ULK4: variants seen among roughly 807,000 people sequenced by gnomAD.
ULK4 encodes the protein unc-51 like kinase 4.
ULK4 carries 133 observed loss-of-function variants against 160.6 expected under a neutral mutation model. The observed-to-expected ratio is 0.83, with a 90% CI of 0.72 to 0.96. ULK4 has a LOEUF of 0.96. Among genes scored for constraint, ULK4 ranks in the 40% least tolerant of loss-of-function variants. The pLI is 0.00. For missense variants in ULK4, 1,580 were observed against 1,499.5 expected, an observed-to-expected ratio of 1.05 and a Z score of -0.89; for synonymous variants, 534 against 539.8, an observed-to-expected ratio of 0.99 and a Z score of 0.15.
chr3:41,772,636 G>C (rs2039435961), intron 21 of ULK4, among the ~76,000 whole-genome samples: 1 of 152,124 alleles, frequency 6.6e-6, no homozygotes, highest in African/African-American at 2.4e-5. Flanking sequence ...AATTCTACCA[G>C]AGGTACAAGG....
chr3:41,608,857 T>C (rs1243538234), intron 31 of ULK4, among the ~76,000 whole-genome samples: 1 of 152,214 alleles, frequency 6.6e-6, no homozygotes, highest in African/African-American at 2.4e-5. Flanking sequence ...CTGAATCAAT[T>C]AGAAGTAAAA....
At position 41,410,490 on chromosome 3, in the gene ULK4, T is replaced by C. The variant is rs148895261; in HGVS notation, c.3493-12226A>G. Among the ~76,000 whole-genome samples, 242 of 152,126 alleles carry C rather than the reference T, an allele frequency of 1.6e-3. 2 individuals are homozygous for C. The highest frequency in any genetic ancestry group is 7.0e-3 in the Admixed American group (107 of 15,278). ...CAGTTTATAGAAATAGAAAGTAAAT[T>C]AGTGATTGACTAGAGTTGTAGAGGG... On this transcript the variant is annotated intron_variant, in intron 34 of 36. Transcript: ENST00000301831.
chr3:41,500,266 A>C (rs2085150072), intron 32 of ULK4, among the ~76,000 whole-genome samples: 1 of 143,184 alleles, frequency 7.0e-6, no homozygotes, highest in Non-Finnish European at 1.5e-5. Flanking sequence ...CTAGCTCATT[A>C]ATTTTCATCT....
chr3:41,540,548 T>C (rs1051759959), intron 32 of ULK4, among the ~76,000 whole-genome samples: 1 of 152,220 alleles, frequency 6.6e-6, no homozygotes. Flanking sequence ...TTTGGGTATA[T>C]ACCCAGTAAT....
Position 41,938,177 on chromosome 3 carries a change from T to C in ULK4, c.159A>G (p.Ile53Met), listed in dbSNP as rs1430346689. The C allele has an allele frequency of 4.3e-6, 7 of 1,613,324 alleles. No homozygotes were observed. Among genetic ancestry groups the C allele is most frequent in the Admixed American group, 1.7e-5 (1 of 59,986 alleles). ...ITNWVRLTRE[I>M]KHKNIVTFHE... ...GAAAAGTTACAATATTCTTGTGTTTTATTTCACGGGTGAGACGGACCTATA... is the reference window on the plus strand; with the variant it reads ...GAAAAGTTACAATATTCTTGTGTTTCATTTCACGGGTGAGACGGACCTATA... The change falls in exon 3 of 37, where the codon ATA (isoleucine) becomes ATG (methionine). Residue 53 changes from isoleucine (I) to methionine (M), a missense_variant. Ile to Met is a conservative substitution (Grantham distance 10, BLOSUM62 1). Transcript: ENST00000301831.
At chr3:41,673,949 A>C (rs2035620169) in intron 29 of ULK4, among the ~76,000 whole-genome samples, 1 of 152,104 alleles carries the variant, frequency 6.6e-6, no homozygotes, top group Non-Finnish European at 1.5e-5. Flanking sequence ...GAGGGGCGGG[A>C]ATTTAATTGT....
chr3:41,771,219 T>A (rs2039354934), intron 21 of ULK4, among the ~76,000 whole-genome samples: 1 of 152,310 alleles, frequency 6.6e-6, no homozygotes, highest in East Asian at 1.9e-4. Flanking sequence ...AATATTTCCA[T>A]TAAAATATGT....
At chr3:41,587,013 G>A (rs113417719) in intron 31 of ULK4, among the ~76,000 whole-genome samples, 2,026 of 152,206 alleles carry the variant, frequency 0.013, 54 homozygotes, top group African/African-American at 0.046. Context: ...GGTTCTCTAC[G>A]TAGGGTCTCA....
chr3:41,691,254 C>A (rs1413942660), intron 27 of ULK4, among the ~76,000 whole-genome samples: 1 of 151,824 alleles, frequency 6.6e-6, no homozygotes, highest in Admixed American at 6.6e-5. Context: ...GAGGCCCCTG[C>A]ACATACGAAC....
intron 17 of ULK4, among the ~76,000 whole-genome samples, chr3:41,848,202 G>A (rs910821548): frequency 1.1e-4 from 16 of 152,192 alleles, no homozygotes; most frequent in African/African-American, 3.4e-4. Flanking sequence ...ACCTGTAACT[G>A]GTAGATTCCT....
Position 41,931,921 on chromosome 3 carries a change from G to A in ULK4, c.464C>T (p.Ala155Val), listed in dbSNP as rs1289040505. 3.1e-6 allele frequency: 5 copies of A among 1,613,896 alleles called. No homozygotes were observed. Among genetic ancestry groups the A allele is most frequent in the African/African-American group, 1.3e-5 (1 of 74,868 alleles). Residue 155 changes from alanine to valine, a missense_variant, in exon 5 of 37, where the codon GCT (alanine) becomes GTT (valine). Physicochemically the swap from Ala to Val is moderately conservative, Grantham distance 64. Coordinates refer to ENST00000301831, the MANE Select transcript of ULK4 (RefSeq NM_017886.4). ...VEGENLEEFF[A>V]LVAAEEGGGD... ...TCCTCCTTCCTCTGCTGCCACCAAA[G>A]CAAAGAACTCTTCCAAATTTTCACC...
chr3:41,353,528 T>C (rs2080955559), intron 35 of ULK4, among the ~76,000 whole-genome samples: 1 of 151,834 alleles, frequency 6.6e-6, no homozygotes, highest in African/African-American at 2.4e-5. Flanking sequence ...ATTAGCTGAG[T>C]GTGGTAGCTC....
At chr3:41,339,978 A>C (rs1259345520) in intron 35 of ULK4, among the ~76,000 whole-genome samples, 1 of 152,234 alleles carries the variant, frequency 6.6e-6, no homozygotes, top group Non-Finnish European at 1.5e-5. Context: ...GAAAATCAGC[A>C]TAATATTAAC....
At chr3:41,462,844 C>A (rs1051258900) in intron 33 of ULK4, among the ~76,000 whole-genome samples, 10 of 152,196 alleles carry the variant, frequency 6.6e-5, no homozygotes, top group African/African-American at 2.2e-4. Context: ...GGTTTCCCAA[C>A]TAATGCTTGC....
intron 32 of ULK4, among the ~76,000 whole-genome samples, chr3:41,497,093 A>G (rs551740548): frequency 6.4e-4 from 98 of 151,938 alleles, no homozygotes; most frequent in Non-Finnish European, 1.1e-3. Flanking sequence ...CAGGTTTTAA[A>G]GCAGCTAATG....
At chr3:41,918,209 A>G (rs970304940) in intron 7 of ULK4, among the ~76,000 whole-genome samples, 1 of 152,164 alleles carries the variant, frequency 6.6e-6, no homozygotes, top group Non-Finnish European at 1.5e-5. Flanking sequence ...TTTAAGCCAT[A>G]CTTTTTATGA....
chr3:41,713,653 C>G (rs761629142), intron 25 of ULK4, among the ~76,000 whole-genome samples: 3 of 152,136 alleles, frequency 2.0e-5, no homozygotes, highest in Non-Finnish European at 4.4e-5. Flanking sequence ...TTAATGATCT[C>G]TACACCAGCC....
chr3:41,645,519 T>G (rs1387900192), intron 30 of ULK4, among the ~76,000 whole-genome samples: 1 of 152,256 alleles, frequency 6.6e-6, no homozygotes, highest in African/African-American at 2.4e-5. Flanking sequence ...AGTTTCTTAA[T>G]CCTCAGTTCT....
At chr3:41,628,431 A>G (rs552954945) in intron 30 of ULK4, among the ~76,000 whole-genome samples, 1 of 152,302 alleles carries the variant, frequency 6.6e-6, no homozygotes, top group African/African-American at 2.4e-5. Context: ...AATATGATGC[A>G]CTGAGGAGGG....
Sources: allele counts gnomAD v4.1 joint callset (sites outside exome capture counted in the v4.1 genomes callset), GRCh38; gene constraint gnomAD v4.1.1; transcripts MANE v1.5; gene names NCBI Gene and HGNC (gene_info 2026-07-23, HGNC 2026-07-21).